SNTB1: variants seen among roughly 807,000 people sequenced by gnomAD.
The protein encoded by SNTB1 is syntrophin beta 1.
In SNTB1, 36 loss-of-function variants were observed where a neutral mutation model predicts 48.9. The ratio of observed to expected loss-of-function variants is 0.74; its 90% CI spans 0.56 to 0.97. The LOEUF (loss-of-function observed/expected upper bound fraction) is 0.97. Ranked by LOEUF, SNTB1 falls within the 50% of genes least tolerant of loss-of-function variation. The probability of loss-of-function intolerance (pLI) is 0.00; values close to 1 mark genes in which losing one functional copy is unlikely to be tolerated. For synonymous variants in SNTB1, 299 were observed against 294.6 expected (o/e 1.01, Z -0.15); for missense variants, 786 against 703.4 (o/e 1.12, Z -1.33).
chr8:120,605,737 G>C (rs1043965797), intron 3 of SNTB1, among the ~76,000 whole-genome samples: 1 of 152,178 alleles, frequency 6.6e-6, no homozygotes. Context: ...TGTAATATTA[G>C]TGTGAGGTTG....
chr8:120,592,513 C>A (rs886364047), intron 3 of SNTB1, among the ~76,000 whole-genome samples: 1 of 152,090 alleles, frequency 6.6e-6, no homozygotes, highest in African/African-American at 2.4e-5. Context: ...TCATTTGTAC[C>A]ATTAGAACAG....
chr8:120,750,560 T>C (rs1819195845), intron 1 of SNTB1, among the ~76,000 whole-genome samples: 1 of 152,150 alleles, frequency 6.6e-6, no homozygotes, highest in African/African-American at 2.4e-5. Flanking sequence ...TGACTTGTAA[T>C]AATGTTGCCA....
intron 1 of SNTB1, chr8:120,765,665 C>T (rs1193836052): frequency 6.6e-6 from 1 of 152,204 alleles, no homozygotes; most frequent in African/African-American, 2.4e-5. Flanking sequence ...GGCATTAATG[C>T]ATTTATGAGG....
At position 120,693,540 on chromosome 8, in the gene SNTB1, GAC is replaced by G. The variant is rs999981582; in HGVS notation, c.788+150_788+151del. On this transcript the variant is annotated intron_variant, in intron 2 of 6. Coordinates refer to ENST00000517992, the MANE Select transcript of SNTB1 (RefSeq NM_021021.4). ...TGTCTCTCTCTCTCTTTCACACACA[GAC>G]ACACACAATTCTCAGCATGGCCCTT... The G allele has an allele frequency of 7.2e-6, 5 of 695,364 alleles. No homozygotes were observed. In the Admixed American group the frequency reaches 1.3e-4, roughly 17 times the overall value. The allele number at this position is 695,364 out of a possible 1,614,324, so 43.1% of individuals were successfully genotyped here. A position where few individuals can be genotyped will look rare whatever the true frequency, so the allele number is the denominator to read the frequency against.
intron 3 of SNTB1, among the ~76,000 whole-genome samples, chr8:120,606,428 TG>T (rs1311750868): frequency 1.4e-5 from 2 of 141,278 alleles, no homozygotes; most frequent in African/African-American, 5.4e-5. Flanking sequence ...TGTGTGTGTG[TG>T]TGTGTATATA....
intron 4 of SNTB1, among the ~76,000 whole-genome samples, chr8:120,569,414 C>T (rs1296736721): frequency 2.0e-5 from 3 of 152,248 alleles, no homozygotes; most frequent in African/African-American, 7.2e-5. Flanking sequence ...ACCCCTGTCA[C>T]TTGTGAACCT....
intron 2 of SNTB1, among the ~76,000 whole-genome samples, chr8:120,671,258 G>T (rs189491743): frequency 6.6e-6 from 1 of 152,244 alleles, no homozygotes; most frequent in East Asian, 1.9e-4. Context: ...GTTGAATAGT[G>T]TCCTCTCAAA....
chr8:120,693,067 A>G (rs911261004), intron 2 of SNTB1, among the ~76,000 whole-genome samples: 4 of 152,160 alleles, frequency 2.6e-5, no homozygotes, highest in African/African-American at 9.7e-5. Context: ...GACAAGTTAC[A>G]TGGGAAGAGA....
intron 5 of SNTB1, among the ~76,000 whole-genome samples, chr8:120,546,939 G>T (rs1056070903): frequency 6.6e-6 from 1 of 152,198 alleles, no homozygotes; most frequent in Non-Finnish European, 1.5e-5. Context: ...TGTTGGATCA[G>T]TGGCATAACT....
At chr8:120,697,755 A>G (rs1009420447) in intron 1 of SNTB1, among the ~76,000 whole-genome samples, 2 of 152,228 alleles carry the variant, frequency 1.3e-5, no homozygotes, top group Non-Finnish European at 2.9e-5. Flanking sequence ...CATACTACAA[A>G]GCTATAGTAT....
intron 2 of SNTB1, among the ~76,000 whole-genome samples, chr8:120,648,325 T>G (rs1467580724): frequency 1.3e-4 from 20 of 150,694 alleles, no homozygotes; most frequent in African/African-American, 3.7e-4. Flanking sequence ...TTTCCATGTT[T>G]AGTGCTTCCT....
intron 1 of SNTB1, among the ~76,000 whole-genome samples, chr8:120,761,857 CT>C (rs1191085189): frequency 6.6e-6 from 1 of 152,130 alleles, no homozygotes; most frequent in Non-Finnish European, 1.5e-5. Flanking sequence ...AGAAGTATTT[CT>C]TTTTTATTAA....
intron 3 of SNTB1, among the ~76,000 whole-genome samples, chr8:120,585,072 C>T (rs1360154615): frequency 1.3e-5 from 2 of 152,118 alleles, no homozygotes; most frequent in Non-Finnish European, 2.9e-5. Context: ...GTGTAAGCCA[C>T]CCAGTTTATG....
chr8:120,612,850 G>A (rs557872438), intron 3 of SNTB1, among the ~76,000 whole-genome samples: 3 of 152,246 alleles, frequency 2.0e-5, no homozygotes, highest in South Asian at 4.2e-4. Flanking sequence ...ATCAAATTAG[G>A]GTATTTAGGA....
intron 1 of SNTB1, among the ~76,000 whole-genome samples, chr8:120,737,337 A>G (rs1334050102): frequency 6.6e-6 from 1 of 152,162 alleles, no homozygotes; most frequent in Non-Finnish European, 1.5e-5. Context: ...CACTTTGTCG[A>G]CTATGAAGCA....
Position 120,706,364 on chromosome 8 carries a change from T to C in SNTB1, c.572-12456A>G, listed in dbSNP as rs375046219. ...AACCGGATATACGAGTTACTGCTTC[T>C]GAGAATTTTATAATCATGCCAGGCA... On this transcript the variant is annotated intron_variant, in intron 1 of 6. Coordinates refer to ENST00000517992, the MANE Select transcript of SNTB1 (RefSeq NM_021021.4). Among the ~76,000 whole-genome samples, 64 of 152,282 alleles carry C rather than the reference T, an allele frequency of 4.2e-4. 1 individual carries two copies. Among genetic ancestry groups the C allele is most frequent in the African/African-American group, 1.5e-3 (61 of 41,566 alleles).
chr8:120,736,691 T>A (rs12547287), intron 1 of SNTB1, among the ~76,000 whole-genome samples: 19,914 of 152,126 alleles, frequency 0.13, 1,699 homozygotes, highest in African/African-American at 0.23. Context: ...TTGCCAACCG[T>A]CTATTAATAT....
At chr8:120,751,708 G>A (rs1015193911) in intron 1 of SNTB1, among the ~76,000 whole-genome samples, 1 of 151,870 alleles carries the variant, frequency 6.6e-6, no homozygotes, top group African/African-American at 2.4e-5. Flanking sequence ...ATATCTTCTC[G>A]AGTCACCTAC....
At chr8:120,728,823 T>A (rs1293486171) in intron 1 of SNTB1, among the ~76,000 whole-genome samples, 1 of 152,230 alleles carries the variant, frequency 6.6e-6, no homozygotes, top group Non-Finnish European at 1.5e-5. Context: ...GTCTTTTTGG[T>A]AGAACATTTT....
Sources: allele counts gnomAD v4.1 joint callset (sites outside exome capture counted in the v4.1 genomes callset), GRCh38; gene constraint gnomAD v4.1.1; transcripts MANE v1.5; gene names NCBI Gene and HGNC (gene_info 2026-07-23, HGNC 2026-07-21).